Variants in CPA6 observed in about 807,000 individuals in gnomAD.
The protein encoded by CPA6 is carboxypeptidase B.
Under a neutral mutation model 63.3 loss-of-function variants are expected in CPA6, and 58 were observed. The ratio of observed to expected loss-of-function variants is 0.92; its 90% confidence interval spans 0.74 to 1.14. CPA6 has a LOEUF of 1.14. CPA6 is among the 50% of genes most tolerant of loss of function. CPA6 has a pLI of 0.00. For missense variants in CPA6, 565 were observed against 526.6 expected (o/e 1.07, Z -0.71); for synonymous variants, 185 against 179.0 (o/e 1.03, Z -0.27).
intron 1 of CPA6, among the ~76,000 whole-genome samples, chr8:67,669,135 A>T (rs1317760218): frequency 6.6e-6 from 1 of 152,210 alleles, no homozygotes; most frequent in Non-Finnish European, 1.5e-5. Context: ...TGGCAGACAA[A>T]GATCTATTGT....
intron 1 of CPA6, among the ~76,000 whole-genome samples, chr8:67,739,465 C>T (rs550339995): frequency 1.4e-4 from 22 of 152,320 alleles, no homozygotes; most frequent in Admixed American, 7.2e-4. Context: ...TGTGGGGAAA[C>T]GTTCTTAACC....
At chr8:67,467,800 C>T (rs1163016215) in intron 8 of CPA6, among the ~76,000 whole-genome samples, 3 of 150,556 alleles carry the variant, frequency 2.0e-5, no homozygotes, top group African/African-American at 7.4e-5. Flanking sequence ...GTCAAGAATT[C>T]GAGACCAGCC....
chr8:67,426,052 T>C (rs1809876338), intron 10 of CPA6, among the ~76,000 whole-genome samples: 2 of 152,098 alleles, frequency 1.3e-5, no homozygotes, highest in Non-Finnish European at 2.9e-5. Flanking sequence ...ACCCGCTACC[T>C]CTGCCTCCCT....
intron 1 of CPA6, among the ~76,000 whole-genome samples, chr8:67,683,454 C>T (rs1050685739): frequency 6.6e-6 from 1 of 152,302 alleles, no homozygotes; most frequent in African/African-American, 2.4e-5. Flanking sequence ...TTTTACACAG[C>T]TTGGCTTTCT....
At chr8:67,427,107 AG>A (rs1467291028) in intron 10 of CPA6, among the ~76,000 whole-genome samples, 5 of 152,246 alleles carry the variant, frequency 3.3e-5, no homozygotes, top group Admixed American at 6.5e-5. Context: ...TGCAGCAAAC[AG>A]TAAAGATTCC....
chr8:67,592,097 G>C (rs1421348777), intron 2 of CPA6, among the ~76,000 whole-genome samples: 1 of 152,096 alleles, frequency 6.6e-6, no homozygotes, highest in Non-Finnish European at 1.5e-5. Context: ...TTAGCTTGAA[G>C]GGTTGTTGAA....
chr8:67,547,404 G>A (rs1709141105), intron 2 of CPA6, among the ~76,000 whole-genome samples: 1 of 152,004 alleles, frequency 6.6e-6, no homozygotes. Context: ...CCTGGTACAT[G>A]GTAGATGCTT....
intron 1 of CPA6, among the ~76,000 whole-genome samples, chr8:67,712,698 G>A (rs1291930414): frequency 1.3e-5 from 2 of 152,060 alleles, no homozygotes; most frequent in African/African-American, 2.4e-5. Flanking sequence ...CCTTCTCTGG[G>A]AACACCGAAT....
At chr8:67,481,252 A>G (rs1164080623) in intron 8 of CPA6, among the ~76,000 whole-genome samples, 2 of 152,260 alleles carry the variant, frequency 1.3e-5, no homozygotes, top group Non-Finnish European at 2.9e-5. Flanking sequence ...TTTTAAAAAG[A>G]GTGCACAGAG....
At chr8:67,552,520 T>A (rs1415508808) in intron 2 of CPA6, among the ~76,000 whole-genome samples, 1 of 151,992 alleles carries the variant, frequency 6.6e-6, no homozygotes, top group Non-Finnish European at 1.5e-5. Context: ...ATGCCTGTAA[T>A]CCCAGCACTT....
At chr8:67,541,387 A>G (rs1812699902) in intron 2 of CPA6, among the ~76,000 whole-genome samples, 1 of 152,132 alleles carries the variant, frequency 6.6e-6, no homozygotes, top group Non-Finnish European at 1.5e-5. Context: ...GCCCAGCACT[A>G]CAACCTGGGC....
chr8:67,617,050 T>C lies in CPA6; in HGVS notation c.192+7126A>G, dbSNP rs1814972958. 2.0e-5 allele frequency among the ~76,000 whole-genome samples: 3 copies of C among 152,226 alleles called. No individual in the cohort carries two copies. In the South Asian group the frequency reaches 6.2e-4, roughly 32 times the overall value. ...GTTTAACAATTAGTCTCAAAACAGA[T>C]TGTTTAAATGTCAAAACTTAGAAAT... On this transcript the variant is annotated intron_variant, in intron 2 of 10. Transcript: ENST00000297770.
intron 1 of CPA6, among the ~76,000 whole-genome samples, chr8:67,628,940 C>T (rs1834731954): frequency 6.6e-6 from 1 of 152,080 alleles, no homozygotes; most frequent in African/African-American, 2.4e-5. Context: ...CATGGCAAAA[C>T]CCCATCTCTA....
intron 2 of CPA6, among the ~76,000 whole-genome samples, chr8:67,615,267 G>A (rs118187453): frequency 6.6e-6 from 1 of 152,312 alleles, no homozygotes; most frequent in Non-Finnish European, 1.5e-5. Flanking sequence ...TGTCTTTGGA[G>A]CTGTGGGTCT....
At chr8:67,738,488 G>T (rs1817855329) in intron 1 of CPA6, among the ~76,000 whole-genome samples, 1 of 152,146 alleles carries the variant, frequency 6.6e-6, no homozygotes, top group Non-Finnish European at 1.5e-5. Flanking sequence ...AAATGGATTT[G>T]TTTAAGCTAT....
intron 10 of CPA6, among the ~76,000 whole-genome samples, chr8:67,425,895 TTTTC>T (rs1809871239): frequency 6.7e-6 from 1 of 149,610 alleles, no homozygotes; most frequent in African/African-American, 2.5e-5. Context: ...TTTCTTTTTC[TTTTC>T]TTTTTTTTTT....
intron 1 of CPA6, among the ~76,000 whole-genome samples, chr8:67,697,613 C>G (rs1465882005): frequency 6.6e-6 from 1 of 152,158 alleles, no homozygotes; most frequent in African/African-American, 2.4e-5. Flanking sequence ...GGCACTCAGT[C>G]TCATCCACTG....
chr8:67,581,512 T>G (rs1385889455), intron 2 of CPA6, among the ~76,000 whole-genome samples: 1 of 152,162 alleles, frequency 6.6e-6, no homozygotes, highest in African/African-American at 2.4e-5. Context: ...TTTCCCTGAG[T>G]TGTCCTGGGG....
In CPA6 at chr8:67,555,902, A is replaced by G. The variant is rs575211743; in HGVS notation, c.193-37855T>C. On this transcript the variant is annotated intron_variant, in intron 2 of 10. Transcript: ENST00000297770. ...ACCCATTTTTCTGTGAAATCCAAGT[A>G]TTTCTGTTGGAATTGCTTTCGCCAA... is the stretch of plus-strand genomic sequence containing the variant. 2.6e-5 allele frequency among the ~76,000 whole-genome samples: 4 copies of G among 152,314 alleles called. No homozygotes were observed. In the East Asian group the frequency reaches 7.7e-4, roughly 29 times the overall value.
Sources: allele counts gnomAD v4.1 joint callset (sites outside exome capture counted in the v4.1 genomes callset), GRCh38; gene constraint gnomAD v4.1.1; transcripts MANE v1.5; gene names NCBI Gene and HGNC (gene_info 2026-07-23, HGNC 2026-07-21).